IQCH: variants seen among roughly 807,000 people sequenced by gnomAD.
The protein encoded by IQCH is IQ domain-containing protein H.
IQCH carries 98 observed loss-of-function variants against 117.0 expected under a neutral mutation model. That is an observed-to-expected ratio of 0.84 (90% CI 0.71 to 0.99). The LOEUF (loss-of-function observed/expected upper bound fraction) is 0.99. Ranked by LOEUF, IQCH falls within the 50% of genes least tolerant of loss-of-function variation. IQCH has a pLI of 0.00. For synonymous variants in IQCH, 412 were observed against 448.2 expected (o/e 0.92, Z 1.02); for missense variants, 1,102 against 1,243.8 (o/e 0.89, Z 1.72).
At chr15:67,317,263 C>T (rs1356415910) in intron 4 of IQCH, among the ~76,000 whole-genome samples, 2 of 151,960 alleles carry the variant, frequency 1.3e-5, no homozygotes, top group Non-Finnish European at 2.9e-5. Flanking sequence ...CCCAGGCTGG[C>T]GTGATCTCAG....
At position 67,256,705 on chromosome 15, in the gene IQCH, A is replaced by C. The variant is rs1055499615; in HGVS notation, c.51+1758A>C. On this transcript the variant is annotated intron_variant, in intron 1 of 20. Transcript: ENST00000335894. ...ACTCTTACCTAGGATACAACATTAT[A>C]GTAATAGATAACTGTTGACACTGAC... 3.2e-4 allele frequency among the ~76,000 whole-genome samples: 49 copies of C among 152,250 alleles called. 3 individuals carry two copies. Among genetic ancestry groups the C allele is most frequent in the Non-Finnish European group, 2.9e-5 (2 of 68,036 alleles).
At chr15:67,373,500 T>A in intron 10 of IQCH, 67 bp downstream of exon 10, 1 of 1,051,978 alleles carries the variant, frequency 9.5e-7, no homozygotes, top group Non-Finnish European at 1.5e-6. Context: ...GCTCCTTGAT[T>A]GAGTTCAAGG....
intron 4 of IQCH, among the ~76,000 whole-genome samples, chr15:67,286,497 C>T (rs959344097): frequency 3.3e-5 from 5 of 152,160 alleles, no homozygotes; most frequent in Non-Finnish European, 5.9e-5. Flanking sequence ...AGTGGGCGTC[C>T]TTGTCATGTT....
chr15:67,277,400 T>C (rs550849233), intron 3 of IQCH, among the ~76,000 whole-genome samples: 1 of 152,308 alleles, frequency 6.6e-6, no homozygotes, highest in South Asian at 2.1e-4. Context: ...GATACCATCA[T>C]TATATCATTG....
intron 4 of IQCH, among the ~76,000 whole-genome samples, chr15:67,305,275 G>A (rs907386080): frequency 6.6e-6 from 1 of 151,936 alleles, no homozygotes; most frequent in Non-Finnish European, 1.5e-5. Context: ...TTTCTAACTA[G>A]CATAATAGTC....
intron 16 of IQCH, among the ~76,000 whole-genome samples, chr15:67,455,387 G>A (rs1015936995): frequency 2.6e-5 from 4 of 152,284 alleles, no homozygotes; most frequent in East Asian, 1.9e-4. Context: ...CTTGTGAGCC[G>A]CATGCCTGGG....
At chr15:67,311,536 G>T (rs1159975649) in intron 4 of IQCH, among the ~76,000 whole-genome samples, 2 of 148,074 alleles carry the variant, frequency 1.4e-5, no homozygotes, top group African/African-American at 4.9e-5. Context: ...GCTATAACCA[G>T]AAATATATAA....
At chr15:67,495,154 T>G (rs1229069904) in intron 20 of IQCH, among the ~76,000 whole-genome samples, 2 of 152,182 alleles carry the variant, frequency 1.3e-5, no homozygotes, top group African/African-American at 4.8e-5. Flanking sequence ...CAACAAAAGC[T>G]TAATAGAAAT....
intron 6 of IQCH, 30 bp downstream of exon 6, chr15:67,344,221 G>A: frequency 2.5e-6 from 4 of 1,604,522 alleles, no homozygotes; most frequent in South Asian, 1.1e-5. Flanking sequence ...CAGTTCAGTT[G>A]GGGACACACA....
At chr15:67,449,540 T>C (rs1195351970) in intron 16 of IQCH, among the ~76,000 whole-genome samples, 1 of 152,206 alleles carries the variant, frequency 6.6e-6, no homozygotes, top group South Asian at 2.1e-4. Flanking sequence ...GTTGTAGATA[T>C]GCGGCATTAT....
intron 10 of IQCH, chr15:67,374,294 A>T (rs1970665317): frequency 2.6e-5 from 4 of 152,250 alleles, no homozygotes; most frequent in Admixed American, 2.6e-4. Context: ...AAGCAGCACA[A>T]CCCATTGAAT....
At chr15:67,351,591 T>C (rs2140715614) in intron 6 of IQCH, among the ~76,000 whole-genome samples, 1 of 152,358 alleles carries the variant, frequency 6.6e-6, no homozygotes, top group South Asian at 2.1e-4. Context: ...AAACTGTCTT[T>C]TAAAGTCATT....
intron 18 of IQCH, among the ~76,000 whole-genome samples, chr15:67,489,249 G>T (rs2083576514): frequency 6.6e-6 from 1 of 151,840 alleles, no homozygotes. Context: ...TAGCCAGGAT[G>T]GTCTCGATCT....
intron 18 of IQCH, among the ~76,000 whole-genome samples, chr15:67,486,455 A>C (rs1256200890): frequency 1.3e-5 from 2 of 152,216 alleles, no homozygotes; most frequent in Non-Finnish European, 2.9e-5. Flanking sequence ...AAAATCCAAT[A>C]AATATCCCAC....
In IQCH at chr15:67,324,095, C is replaced by G. The variant is rs188489354; in HGVS notation, c.388-12880C>G. Among the ~76,000 whole-genome samples, 222 of 151,592 alleles carry G rather than the reference C, an allele frequency of 1.5e-3. 9 individuals carry two copies. The highest frequency in any genetic ancestry group is 0.014 in the Admixed American group (215 of 15,234). On this transcript the variant is annotated intron_variant, in intron 4 of 20. Transcript: ENST00000335894. ...AGCAGCTGGGATTACAGGTACCCAC[C>G]ACCAGGCCTGGCTAATTTTTGTATT...
At chr15:67,487,219 G>T (rs2083507841) in intron 18 of IQCH, among the ~76,000 whole-genome samples, 1 of 152,192 alleles carries the variant, frequency 6.6e-6, no homozygotes, top group Non-Finnish European at 1.5e-5. Flanking sequence ...TGTAGTCCCA[G>T]CTACTTGGGA....
chr15:67,341,002 G>A (rs944331394), intron 5 of IQCH, among the ~76,000 whole-genome samples: 26 of 152,032 alleles, frequency 1.7e-4, no homozygotes, highest in Admixed American at 6.6e-4. Context: ...GCTGGAGTCC[G>A]GGAGTTTGAG....
intron 16 of IQCH, among the ~76,000 whole-genome samples, chr15:67,462,151 G>A (rs1223911187): frequency 6.6e-6 from 1 of 151,520 alleles, no homozygotes; most frequent in Non-Finnish European, 1.5e-5. Context: ...TTCAGTAAAG[G>A]TTGGGCGCGG....
chr15:67,322,940 A>G (rs1308133346), intron 4 of IQCH, among the ~76,000 whole-genome samples: 2 of 152,312 alleles, frequency 1.3e-5, no homozygotes, highest in African/African-American at 2.4e-5. Context: ...TGGGCATGAC[A>G]ATGTAAAAAA....
Sources: gnomAD v4.1 joint callset for allele counts (sites outside exome capture counted in the v4.1 genomes callset) on GRCh38, gnomAD v4.1.1 for gene constraint, MANE v1.5 for transcripts, NCBI Gene and HGNC (gene_info 2026-07-23, HGNC 2026-07-21) for gene names.